The following VRK2 variants were observed in gnomAD, a reference collection of about 807,000 sequenced individuals.
The protein encoded by VRK2 is serine/threonine-protein kinase VRK2.
Under a neutral mutation model 57.6 loss-of-function variants are expected in VRK2, and 60 were observed. The observed-to-expected ratio is 1.04, with a 90% CI of 0.85 to 1.29. The LOEUF is 1.29. Among genes scored for constraint, VRK2 ranks in the 50% most tolerant of loss-of-function variants. The pLI is 0.00. For missense variants in VRK2, 705 were observed against 588.1 expected (o/e 1.20, Z -2.06); for synonymous variants, 231 against 199.2 (o/e 1.16, Z -1.35).
chr2:57,980,066 T>C (rs1000334368), intron 1 of VRK2, among the ~76,000 whole-genome samples: 2 of 152,098 alleles, frequency 1.3e-5, no homozygotes, highest in African/African-American at 4.8e-5. Flanking sequence ...GGTTATTTCT[T>C]TTCTGCTACC....
chr2:58,129,050 T>G (rs995521541), intron 8 of VRK2, among the ~76,000 whole-genome samples: 3 of 152,066 alleles, frequency 2.0e-5, no homozygotes, highest in African/African-American at 7.2e-5. Context: ...ACAAAAAGAG[T>G]GATGTATATT....
rs1376307455 is a variant in VRK2 at position 58,137,921 on chromosome 2, T to TA, written c.857-1745_857-1744insA. ...AGTATTACATCACAATATCTACGCT[T>TA]CAGGTTTGTAATAATAAATTTATAA... On this transcript the variant is annotated intron_variant, in intron 10 of 12. Coordinates refer to ENST00000340157, the MANE Select transcript of VRK2 (RefSeq NM_006296.7). Among the ~76,000 whole-genome samples the TA allele has an allele frequency of 6.1e-4, 93 of 152,298 alleles. 1 individual carries two copies. The East Asian group carries it at 0.017, about 27-fold the overall frequency.
intron 11 of VRK2, among the ~76,000 whole-genome samples, 196 bp from the exon 12 acceptor site, chr2:58,146,120 G>T (rs923819446): frequency 6.6e-6 from 1 of 151,936 alleles, no homozygotes. Context: ...AATTGGTTTT[G>T]TCCCATTGAT....
chr2:58,025,802 T>G (rs1366905080), intron 2 of VRK2: 1 of 152,246 alleles, frequency 6.6e-6, no homozygotes, highest in Admixed American at 6.5e-5. Flanking sequence ...GGTAAGCTTC[T>G]GCTAAGGACA....
At chr2:58,111,593 A>C (rs1261497247) in intron 7 of VRK2, among the ~76,000 whole-genome samples, 1 of 152,188 alleles carries the variant, frequency 6.6e-6, no homozygotes, top group Non-Finnish European at 1.5e-5. Flanking sequence ...CTCTATTTTA[A>C]AAATATAAAA....
At chr2:58,136,424 A>T (rs1680020522) in intron 10 of VRK2, among the ~76,000 whole-genome samples, 1 of 149,992 alleles carries the variant, frequency 6.7e-6, no homozygotes, top group African/African-American at 2.5e-5. Context: ...TCGCTCTGTC[A>T]CCCAGGCTGG....
At chr2:58,119,742 G>A (rs531867317) in intron 7 of VRK2, among the ~76,000 whole-genome samples, 28 of 150,804 alleles carry the variant, frequency 1.9e-4, no homozygotes, top group Non-Finnish European at 2.5e-4. Flanking sequence ...AGAATATTTC[G>A]TAGAATTTTC....
Position 57,928,960 on chromosome 2 carries a change from A to T in VRK2, c.-439+21121A>T, listed in dbSNP as rs1364910324. Reference sequence around the variant, plus strand: ...CCTTGAGCTGGGGGAGGGATGACACAGCACCCTAGTGGCCACCAACACTGG... The same window carrying T: ...CCTTGAGCTGGGGGAGGGATGACACTGCACCCTAGTGGCCACCAACACTGG... On this transcript the variant is annotated intron_variant, in intron 1 of 15. Transcript: ENST00000417641. 2.0e-5 allele frequency among the ~76,000 whole-genome samples: 3 copies of T among 152,204 alleles called. No individual in the cohort carries two copies. The East Asian group carries it at 5.8e-4, about 29-fold the overall frequency.
chr2:58,159,398 A>G lies in VRK2; in HGVS notation c.1232A>G (p.Asn411Ser), dbSNP rs749963743. The change falls in exon 13 of 13, where the codon AAT (asparagine) becomes AGT (serine). Residue 411 changes from asparagine (N) to serine (S), a missense_variant. Asn to Ser is a conservative substitution (Grantham distance 46, BLOSUM62 1). Transcript: ENST00000340157. ...TATCAAGAGTCTCAAGAACCTTTGA[A>G]TGAAGTAAACAGTTTCCCACAAAAA... ...QKYQESQEPL[N>S]EVNSFPQKIS... The G allele has an allele frequency of 6.2e-7, 1 of 1,613,288 alleles. No homozygotes were observed. Among genetic ancestry groups the G allele is most frequent in the Non-Finnish European group, 8.5e-7 (1 of 1,179,628 alleles).
At chr2:57,960,314 C>A (rs1046812978) in intron 1 of VRK2, among the ~76,000 whole-genome samples, 1 of 152,124 alleles carries the variant, frequency 6.6e-6, no homozygotes, top group Non-Finnish European at 1.5e-5. Context: ...TATACTCCAA[C>A]CCTCACCTCC....
intron 2 of VRK2, among the ~76,000 whole-genome samples, chr2:58,068,821 A>T (rs1188706483): frequency 6.6e-6 from 1 of 151,030 alleles, no homozygotes; most frequent in Non-Finnish European, 1.5e-5. Context: ...GAAAAAAAAA[A>T]AAAAAAAACA....
chr2:58,083,352 T>G (rs1159919821), intron 2 of VRK2, among the ~76,000 whole-genome samples: 1 of 151,880 alleles, frequency 6.6e-6, no homozygotes, highest in African/African-American at 2.4e-5. Context: ...TTGAAAACAA[T>G]CTTTTAATAA....
At chr2:58,010,951 C>CT (rs757604036) in intron 1 of VRK2, among the ~76,000 whole-genome samples, 8 of 152,106 alleles carry the variant, frequency 5.3e-5, no homozygotes, top group Non-Finnish European at 8.8e-5. Context: ...AACAACCTTA[C>CT]TTTTTAGTAC....
chr2:58,012,752 G>A (rs989962094), intron 1 of VRK2, among the ~76,000 whole-genome samples: 3 of 152,140 alleles, frequency 2.0e-5, no homozygotes, highest in Non-Finnish European at 4.4e-5. Flanking sequence ...TAGACACTCT[G>A]TGCCAGGTAT....
intron 1 of VRK2, among the ~76,000 whole-genome samples, chr2:57,979,893 G>A (rs1280767308): frequency 6.6e-6 from 1 of 151,958 alleles, no homozygotes; most frequent in Non-Finnish European, 1.5e-5. Context: ...TGCTCCCTTT[G>A]TCATTTCTGA....
intron 12 of VRK2, among the ~76,000 whole-genome samples, chr2:58,149,994 TTC>T (rs1418088471): frequency 1.0e-3 from 125 of 119,364 alleles, no homozygotes; most frequent in Non-Finnish European, 1.5e-3. Flanking sequence ...TCTTTTTCTT[TTC>T]TTTTTTTTTT....
chr2:58,038,538 C>G (rs558753109), intron 3 of VRK2, among the ~76,000 whole-genome samples: 2 of 152,024 alleles, frequency 1.3e-5, no homozygotes, highest in South Asian at 2.1e-4. Context: ...TCTCCAGTCC[C>G]GAGTGTAGGA....
intron 1 of VRK2, among the ~76,000 whole-genome samples, chr2:57,951,857 C>G (rs897697859): frequency 1.3e-5 from 2 of 151,714 alleles, no homozygotes; most frequent in Non-Finnish European, 2.9e-5. Flanking sequence ...GATCCTCCCA[C>G]ATCAGCCTCC....
intron 1 of VRK2, among the ~76,000 whole-genome samples, chr2:57,938,681 T>G (rs913438134): frequency 1.3e-5 from 2 of 152,076 alleles, no homozygotes; most frequent in African/African-American, 4.8e-5. Flanking sequence ...AAGGCCTCTA[T>G]GAAAGCCTGT....
Sources: allele counts gnomAD v4.1 joint callset (sites outside exome capture counted in the v4.1 genomes callset), GRCh38; gene constraint gnomAD v4.1.1; transcripts MANE v1.5; gene names NCBI Gene and HGNC (gene_info 2026-07-23, HGNC 2026-07-21).